The following SORCS2 variants were observed in gnomAD, a reference collection of about 807,000 sequenced individuals.
SORCS2 encodes the protein VPS10 domain-containing receptor SorCS2.
In SORCS2, 100 loss-of-function variants were observed where a neutral mutation model predicts 141.6. The ratio of observed to expected loss-of-function variants is 0.71; its 90% CI spans 0.60 to 0.83. The LOEUF (loss-of-function observed/expected upper bound fraction) is 0.83. Ranked by LOEUF, SORCS2 falls within the 40% of genes least tolerant of loss-of-function variation. The pLI is 0.00. For missense variants in SORCS2, 1,646 were observed against 1,560.2 expected, an observed-to-expected ratio of 1.05 and a Z score of -0.93; for synonymous variants, 789 against 676.9, an observed-to-expected ratio of 1.17 and a Z score of -2.57.
chr4:7,722,481 G>A (rs550993294), intron 18 of SORCS2, among the ~76,000 whole-genome samples: 1 of 152,278 alleles, frequency 6.6e-6, no homozygotes, highest in African/African-American at 2.4e-5. Context: ...ACAAGTCTCC[G>A]AAGGAGAATC....
At chr4:7,241,989 T>A (rs1212240752) in intron 1 of SORCS2, among the ~76,000 whole-genome samples, 4 of 152,110 alleles carry the variant, frequency 2.6e-5, no homozygotes, top group Non-Finnish European at 5.9e-5. Flanking sequence ...GCTTGACTGT[T>A]GGGGGTACCG....
chr4:7,290,934 A>T (rs1021247953), intron 1 of SORCS2, among the ~76,000 whole-genome samples: 1 of 152,172 alleles, frequency 6.6e-6, no homozygotes, highest in African/African-American at 2.4e-5. Context: ...TAAAGAATGA[A>T]TTACACGGTT....
intron 2 of SORCS2, among the ~76,000 whole-genome samples, chr4:7,453,424 G>A (rs1560297287): frequency 7.4e-6 from 1 of 135,390 alleles, no homozygotes; most frequent in African/African-American, 2.8e-5. Flanking sequence ...GTCAGGAGCT[G>A]TGTGTTGGGG....
intron 1 of SORCS2, among the ~76,000 whole-genome samples, chr4:7,287,481 G>A (rs1375391067): frequency 4.6e-5 from 7 of 152,248 alleles, no homozygotes; most frequent in African/African-American, 1.7e-4. Context: ...GGCTGGATGG[G>A]TGGGGAGACG....
At chr4:7,392,063 C>A (rs1168001207) in intron 1 of SORCS2, among the ~76,000 whole-genome samples, 1 of 152,246 alleles carries the variant, frequency 6.6e-6, no homozygotes, top group African/African-American at 2.4e-5. Context: ...AATTTCAAGA[C>A]AGCAACAGCA....
chr4:7,737,770 G>A (rs2148905323), intron 26 of SORCS2, among the ~76,000 whole-genome samples: 1 of 152,322 alleles, frequency 6.6e-6, no homozygotes. Flanking sequence ...CTCTTCTGGT[G>A]TCTGGGAGCT....
chr4:7,680,519 G>T (rs1174066108), intron 9 of SORCS2, among the ~76,000 whole-genome samples: 1 of 152,262 alleles, frequency 6.6e-6, no homozygotes, highest in Non-Finnish European at 1.5e-5. Context: ...GGGCAAGAAG[G>T]AGCTGGCTCC....
At chr4:7,317,223 A>G (rs936734941) in intron 1 of SORCS2, among the ~76,000 whole-genome samples, 1 of 152,176 alleles carries the variant, frequency 6.6e-6, no homozygotes, top group African/African-American at 2.4e-5. Flanking sequence ...GACTATAGTG[A>G]TCATACAGAG....
At chr4:7,520,814 A>C (rs935454951) in intron 2 of SORCS2, among the ~76,000 whole-genome samples, 1 of 152,240 alleles carries the variant, frequency 6.6e-6, no homozygotes, top group Non-Finnish European at 1.5e-5. Context: ...GGTAACGCAC[A>C]GGTGAAATGA....
chr4:7,521,504 TCTGATC>T (rs756169000), intron 2 of SORCS2, among the ~76,000 whole-genome samples: 20 of 152,198 alleles, frequency 1.3e-4, no homozygotes, highest in Non-Finnish European at 2.1e-4. Context: ...CCTCTTCCTC[TCTGATC>T]CTGGGAGGGT....
At chr4:7,482,342 A>G (rs75448282) in intron 2 of SORCS2, among the ~76,000 whole-genome samples, 44 of 29,696 alleles carry the variant, frequency 1.5e-3, no homozygotes, top group African/African-American at 6.8e-3. Flanking sequence ...CTGTATCCCC[A>G]CTGCGGACAC....
chr4:7,453,628 G>A (rs1728649046), intron 2 of SORCS2, among the ~76,000 whole-genome samples: 3 of 137,936 alleles, frequency 2.2e-5, no homozygotes, highest in Admixed American at 2.1e-4. Flanking sequence ...GTCAGGTGCT[G>A]TGTTGGGGTC....
intron 1 of SORCS2, among the ~76,000 whole-genome samples, chr4:7,250,029 G>A (rs1015177376): frequency 2.0e-5 from 3 of 152,122 alleles, no homozygotes; most frequent in African/African-American, 7.2e-5. Flanking sequence ...ATCACTTGAG[G>A]CCAGGAGTTT....
At chr4:7,379,144 G>C (rs1359337323) in intron 1 of SORCS2, among the ~76,000 whole-genome samples, 2 of 152,206 alleles carry the variant, frequency 1.3e-5, no homozygotes, top group East Asian at 3.8e-4. Context: ...CCAGGTTGGA[G>C]GGAGGCACAT....
rs529180050 is a variant in SORCS2, at chr4:7,614,481, C to T, written c.649-23847C>T. Among the ~76,000 whole-genome samples, 46 of 149,980 alleles carry T rather than the reference C, an allele frequency of 3.1e-4. No homozygotes were observed. The South Asian group carries it at 6.1e-3, about 20-fold the overall frequency. ...TCACCCATAATCCATAACCCATCCA[C>T]GCATCCACCATCCATTCATCCACCC... is the stretch of plus-strand genomic sequence containing the variant. On this transcript the variant is annotated intron_variant, in intron 3 of 26. Transcript: ENST00000507866.
At chr4:7,203,112 A>T (rs1406873508) in intron 1 of SORCS2, among the ~76,000 whole-genome samples, 1 of 151,948 alleles carries the variant, frequency 6.6e-6, no homozygotes, top group Admixed American at 6.6e-5. Flanking sequence ...GAATTCCTTC[A>T]CTCTTGAGCC....
intron 4 of SORCS2, among the ~76,000 whole-genome samples, chr4:7,643,886 G>T (rs565645741): frequency 6.6e-6 from 1 of 152,130 alleles, no homozygotes; most frequent in African/African-American, 2.4e-5. Flanking sequence ...TTGATGGCTC[G>T]CTCTGACCTC....
At chr4:7,345,844 C>T (rs966203036) in intron 1 of SORCS2, among the ~76,000 whole-genome samples, 1 of 152,132 alleles carries the variant, frequency 6.6e-6, no homozygotes, top group African/African-American at 2.4e-5. Context: ...CCTCTGTGTC[C>T]CCTGTCCTCT....
chr4:7,655,633 G>A (rs114120955), intron 5 of SORCS2, among the ~76,000 whole-genome samples: 2,656 of 152,330 alleles, frequency 0.017, 84 homozygotes, highest in African/African-American at 0.06. Flanking sequence ...GTCTGTCTGC[G>A]GATTGCCCAC....
Sources: allele counts gnomAD v4.1 joint callset (sites outside exome capture counted in the v4.1 genomes callset), GRCh38; gene constraint gnomAD v4.1.1; transcripts MANE v1.5; gene names NCBI Gene and HGNC (gene_info 2026-07-23, HGNC 2026-07-21).